Variants in LRRK2 observed in about 807,000 individuals in gnomAD.
LRRK2 encodes leucine-rich repeat serine/threonine-protein kinase 2.
A neutral mutation model predicts 302.6 loss-of-function variants in LRRK2; 203 were observed. That is an observed-to-expected ratio of 0.67 (90% CI 0.60 to 0.75). The LOEUF is 0.75. Among genes scored for constraint, LRRK2 ranks in the 30% least tolerant of loss-of-function variants. The pLI, the probability that LRRK2 is intolerant of heterozygous loss-of-function variation, is 0.00. For missense variants in LRRK2, 2,830 were observed against 2,951.0 expected, an observed-to-expected ratio of 0.96 and a Z score of 0.95; for synonymous variants, 1,066 against 1,031.9, an observed-to-expected ratio of 1.03 and a Z score of -0.63.
rs1296071003 is a variant in LRRK2, at chr12:40,232,301, A to G, written c.265A>G (p.Ile89Val). The G allele has an allele frequency of 6.2e-7, 1 of 1,614,002 alleles. No homozygotes were observed. The change falls in exon 3 of 51, where the codon ATA becomes GTA. Residue 89 changes from isoleucine (I) to valine (V), a missense_variant. Ile to Val is a conservative substitution (Grantham distance 29, BLOSUM62 3). Transcript: ENST00000298910. Reference protein sequence around the residue: ...QVGWSLLCKLIEVCPGTMQSL... With the variant: ...QVGWSLLCKLVEVCPGTMQSL... ...GGGTTGGTCACTTCTGTGCAAATTAATAGAAGTCTGTCCAGGTACAATGCA... is the reference window on the plus strand; with the variant it reads ...GGGTTGGTCACTTCTGTGCAAATTAGTAGAAGTCTGTCCAGGTACAATGCA...
At chr12:40,297,445 T>C (rs1944425844) in intron 23 of LRRK2, among the ~76,000 whole-genome samples, 1 of 152,158 alleles carries the variant, frequency 6.6e-6, no homozygotes, top group Non-Finnish European at 1.5e-5. Context: ...GATTAAACCT[T>C]GGGAATAATT....
At chr12:40,316,981 T>C (rs1945244820) in intron 33 of LRRK2, among the ~76,000 whole-genome samples, 3 of 152,068 alleles carry the variant, frequency 2.0e-5, no homozygotes, top group Admixed American at 1.3e-4. Context: ...TATGGAACAC[T>C]TGAAGTTGCA....
chr12:40,337,346 C>T (rs1221187128), intron 40 of LRRK2, among the ~76,000 whole-genome samples: 1 of 152,174 alleles, frequency 6.6e-6, no homozygotes, highest in African/African-American at 2.4e-5. Flanking sequence ...CAATTCAATC[C>T]ACTTCGTTTG....
Position 40,243,533 on chromosome 12 carries a change from G to T in LRRK2, c.707-17G>T. 1 of 1,609,488 alleles carries T rather than the reference G, an allele frequency of 6.2e-7. No homozygotes were observed. The highest frequency in any genetic ancestry group is 2.2e-5 in the East Asian group (1 of 44,590). On this transcript the variant is annotated splice_polypyrimidine_tract_variant and intron_variant, in intron 6 of 50. Transcript: ENST00000298910. ...ACATGGTTACCTTATTGATAATTAT[G>T]ATCTCTTTAAATTCAGGCAATAATG...
In LRRK2 at chr12:40,294,867, A is replaced by T. The variant is rs202241468; in HGVS notation, c.2831A>T (p.Asp944Val). 63 of 1,549,678 alleles carry T rather than the reference A, an allele frequency of 4.1e-5. No individual in the cohort carries two copies. The highest frequency in any genetic ancestry group is 5.1e-5 in the Non-Finnish European group (57 of 1,126,010). Residue 944 changes from aspartate to valine, a missense_variant, in exon 22 of 51, where the codon GAT becomes GTT. Coordinates refer to ENST00000298910, the MANE Select transcript of LRRK2 (RefSeq NM_198578.4). ...NSLGPIFDHE[D>V]LLKRKRKILS... ...TAGGGGCCCATTTTTGATCATGAAG[A>T]TTTACTGAAGCGAAAAAGAAAAATA... is the stretch of plus-strand genomic sequence containing the variant.
chr12:40,243,778 G>T, intron 7 of LRRK2, 97 bp downstream of exon 7: 3 of 1,132,906 alleles, frequency 2.6e-6, no homozygotes, highest in Non-Finnish European at 3.9e-6. Flanking sequence ...GTAGCATATT[G>T]ACATACTTTG....
chr12:40,256,002 T>G (rs1444285009), intron 11 of LRRK2, among the ~76,000 whole-genome samples: 1 of 152,206 alleles, frequency 6.6e-6, no homozygotes, highest in Non-Finnish European at 1.5e-5. Flanking sequence ...AAGTTAAAAC[T>G]TTTTATGTTT....
chr12:40,277,943 TG>T lies in LRRK2; in HGVS notation c.1999del (p.Val667CysfsTer7). ...LKLSASFSKL[L>X]VHHSFDLVIF... ...TTGTCAGCATCTTTTTCTAAGCTGC[TG>T]GTGCATCATTCATTTGACTTAGTAA... On this transcript the variant is annotated frameshift_variant, in exon 17 of 51. Coordinates refer to ENST00000298910, the MANE Select transcript of LRRK2 (RefSeq NM_198578.4). LOFTEE classifies it high-confidence loss of function. The T allele has an allele frequency of 1.2e-6, 2 of 1,613,106 alleles. No individual in the cohort carries two copies. The highest frequency in any genetic ancestry group is 2.2e-5 in the South Asian group (2 of 91,048).
At chr12:40,326,523 T>A (rs946060023) in intron 38 of LRRK2, among the ~76,000 whole-genome samples, 8 of 151,932 alleles carry the variant, frequency 5.3e-5, no homozygotes, top group African/African-American at 1.9e-4. Context: ...CTACTCCAAC[T>A]TGAAATTTGG....
At chr12:40,236,893 G>A (rs918493373) in intron 4 of LRRK2, among the ~76,000 whole-genome samples, 5 of 151,946 alleles carry the variant, frequency 3.3e-5, no homozygotes, top group East Asian at 1.9e-4. Context: ...TCCATTTGGC[G>A]ATGGACAGGA....
intron 2 of LRRK2, among the ~76,000 whole-genome samples, chr12:40,231,093 T>G (rs547568833): frequency 6.6e-6 from 1 of 152,208 alleles, no homozygotes; most frequent in Non-Finnish European, 1.5e-5. Flanking sequence ...GTTTCTTGCC[T>G]CTATTATTCT....
intron 14 of LRRK2, among the ~76,000 whole-genome samples, chr12:40,268,866 C>T (rs1015232500): frequency 4.6e-5 from 7 of 152,076 alleles, no homozygotes; most frequent in African/African-American, 1.7e-4. Context: ...TGATATTCCT[C>T]GACTGCGGGA....
chr12:40,259,890 T>C (rs943724191), intron 13 of LRRK2, among the ~76,000 whole-genome samples: 3 of 152,184 alleles, frequency 2.0e-5, no homozygotes, highest in Admixed American at 6.6e-5. Flanking sequence ...GATAATTCTT[T>C]TCTATTTTTG....
intron 33 of LRRK2, among the ~76,000 whole-genome samples, chr12:40,317,548 C>T (rs981316583): frequency 6.6e-6 from 1 of 151,884 alleles, no homozygotes; most frequent in Non-Finnish European, 1.5e-5. Flanking sequence ...AAAAAAGGTA[C>T]CATTAAGGCA....
At chr12:40,333,013 A>T (rs1734575423) in intron 39 of LRRK2, among the ~76,000 whole-genome samples, 1 of 151,758 alleles carries the variant, frequency 6.6e-6, no homozygotes, top group Non-Finnish European at 1.5e-5. Context: ...ATGACATTTG[A>T]CGGTCATTCT....
chr12:40,305,723 T>A, intron 27 of LRRK2, 62 bp from the exon 28 acceptor site: 1 of 1,447,836 alleles, frequency 6.9e-7, no homozygotes, highest in South Asian at 1.1e-5. Context: ...TTATCACGTT[T>A]TTTGGCAGAG....
At chr12:40,361,868 C>T (rs1277175678) in intron 47 of LRRK2, among the ~76,000 whole-genome samples, 1 of 152,036 alleles carries the variant, frequency 6.6e-6, no homozygotes, top group Non-Finnish European at 1.5e-5. Flanking sequence ...CATCAGTACA[C>T]ACCGACTGAG....
chr12:40,274,532 A>G, intron 14 of LRRK2, 51 bp from the exon 15 acceptor site: 2 of 1,583,862 alleles, frequency 1.3e-6, no homozygotes, highest in Non-Finnish European at 8.7e-7. Context: ...GTCTTAACTA[A>G]GGTAAGTATT....
chr12:40,347,003 C>A, intron 42 of LRRK2, 80 bp downstream of exon 42: 1 of 1,110,200 alleles, frequency 9.0e-7, no homozygotes, highest in East Asian at 2.5e-5. Context: ...TAGTTGTATG[C>A]TTAATTCCTT....
Sources: allele counts gnomAD v4.1 joint callset (sites outside exome capture counted in the v4.1 genomes callset), GRCh38; gene constraint gnomAD v4.1.1; transcripts MANE v1.5; gene names NCBI Gene and HGNC (gene_info 2026-07-23, HGNC 2026-07-21).